KHDRBS2: variants seen among roughly 807,000 people sequenced by gnomAD.
KHDRBS2 encodes the protein KH domain-containing, RNA-binding, signal transduction-associated protein 2.
Under a neutral mutation model 44.3 loss-of-function variants are expected in KHDRBS2, and 26 were observed. That is an observed-to-expected ratio of 0.59 (90% CI 0.43 to 0.81). The LOEUF (loss-of-function observed/expected upper bound fraction) is 0.81, where lower values mean the gene tolerates loss of function less well. Ranked by LOEUF, KHDRBS2 falls within the 40% of genes least tolerant of loss-of-function variation. The pLI is 0.00. For synonymous variants in KHDRBS2, 194 were observed against 151.1 expected (o/e 1.28, Z -2.08); for missense variants, 476 against 433.1 (o/e 1.10, Z -0.88).
intron 6 of KHDRBS2, among the ~76,000 whole-genome samples, chr6:61,884,131 T>A (rs200785152): frequency 2.0e-5 from 3 of 152,104 alleles, no homozygotes; most frequent in Non-Finnish European, 4.4e-5. Context: ...AACTCATTTA[T>A]GGAACTTTTA....
intron 4 of KHDRBS2, among the ~76,000 whole-genome samples, chr6:61,934,459 C>T (rs183393517): frequency 9.2e-5 from 14 of 152,208 alleles, no homozygotes; most frequent in Non-Finnish European, 1.5e-4. Flanking sequence ...CTGATACAAG[C>T]TGTAATAGAG....
At chr6:61,602,097 A>G in the KHDRBS2 span, among the ~76,000 whole-genome samples, 2 of 152,152 alleles carry the variant, frequency 1.3e-5, no homozygotes, top group African/African-American at 2.4e-5. Context: ...TATTCTCAAT[A>G]TGCATTTTAT....
At chr6:61,759,319 T>G (rs1778942944) in intron 6 of KHDRBS2, among the ~76,000 whole-genome samples, 1 of 152,184 alleles carries the variant, frequency 6.6e-6, no homozygotes, top group South Asian at 2.1e-4. Context: ...GGTTTTGCAT[T>G]TTTGTCTATT....
chr6:61,723,351 C>A (rs1773014141), intron 7 of KHDRBS2, among the ~76,000 whole-genome samples: 1 of 152,012 alleles, frequency 6.6e-6, no homozygotes, highest in South Asian at 2.1e-4. Context: ...ACAACACCTC[C>A]CCAAGGAGGT....
At chr6:61,577,746 C>T in the KHDRBS2 span, among the ~76,000 whole-genome samples, 1 of 152,058 alleles carries the variant, frequency 6.6e-6, no homozygotes, top group Non-Finnish European at 1.5e-5. Context: ...AGTATTCTTA[C>T]AGTAAAATAT....
intron 1 of KHDRBS2, among the ~76,000 whole-genome samples, chr6:62,204,039 C>T (rs1827518191): frequency 6.6e-6 from 1 of 152,154 alleles, no homozygotes; most frequent in Non-Finnish European, 1.5e-5. Flanking sequence ...CACATCCCAG[C>T]TCCCCATCCC....
At chr6:61,967,487 C>G (rs1415820666) in intron 4 of KHDRBS2, among the ~76,000 whole-genome samples, 3 of 151,864 alleles carry the variant, frequency 2.0e-5, no homozygotes, top group Admixed American at 6.6e-5. Flanking sequence ...AAATAAGAAG[C>G]AGCAGGGTGG....
intron 4 of KHDRBS2, among the ~76,000 whole-genome samples, chr6:61,947,394 C>T (rs1813589879): frequency 6.6e-6 from 1 of 152,136 alleles, no homozygotes. Flanking sequence ...TTCATAGATC[C>T]AGTTCCTGAC....
In KHDRBS2 at chr6:61,955,464, G is replaced by GTGTAATATGTATATATTA. The variant is rs1766744187; in HGVS notation, c.483+22601_483+22602insTAATATATACATATTACA. Among the ~76,000 whole-genome samples, 2 of 30,008 alleles carry GTGTAATATGTATATATTA rather than the reference G, an allele frequency of 6.7e-5. 1 individual carries two copies. The highest frequency in any genetic ancestry group is 1.2e-4 in the Non-Finnish European group (2 of 16,786). The allele number at this position is 30,008 out of a possible 152,430, so 19.7% of individuals were successfully genotyped here. ...TATACATATGTGTATATATACATAT[G>GTGTAATATGTATATATTA]TGTATATATACACATATGTATGTAT... On this transcript the variant is annotated intron_variant, in intron 4 of 8. Transcript: ENST00000281156.
intron 2 of KHDRBS2, among the ~76,000 whole-genome samples, chr6:62,146,739 T>C (rs1281609692): frequency 1.3e-5 from 2 of 150,804 alleles, no homozygotes; most frequent in Non-Finnish European, 3.0e-5. Context: ...GTCCCTTAAA[T>C]AGCAGGGCAA....
At chr6:62,261,525 A>G (rs1838339794) in intron 1 of KHDRBS2, among the ~76,000 whole-genome samples, 1 of 151,862 alleles carries the variant, frequency 6.6e-6, no homozygotes, top group South Asian at 2.1e-4. Context: ...TTCCAATACT[A>G]TTTATGTAGT....
rs70996208 is a variant in KHDRBS2 at position 62,194,480 on chromosome 6, C to CTTTTTTTTTTTT, written c.92-17180_92-17169dup. ...CACTTTCTTTTCTTTTCTTTTCTTC[C>CTTTTTTTTTTTT]TTTTTTTTTTTTTTTTTTTTTTTTT... On this transcript the variant is annotated intron_variant, in intron 1 of 8. Coordinates refer to ENST00000281156, the MANE Select transcript of KHDRBS2 (RefSeq NM_152688.4). Among the ~76,000 whole-genome samples, 39 of 69,766 alleles carry CTTTTTTTTTTTT rather than the reference C, an allele frequency of 5.6e-4. 4 individuals carry two copies. The highest frequency in any genetic ancestry group is 7.6e-4 in the Admixed American group (4 of 5,230). The allele number at this position is 69,766 out of a possible 152,430, so 45.8% of individuals were successfully genotyped here.
chr6:61,703,520 T>C (rs1221348861), intron 7 of KHDRBS2, among the ~76,000 whole-genome samples: 1 of 151,876 alleles, frequency 6.6e-6, no homozygotes. Flanking sequence ...ATACTGTGCA[T>C]TTATATTGTA....
intron 8 of KHDRBS2, among the ~76,000 whole-genome samples, chr6:61,685,226 C>T (rs758510455): frequency 1.1e-4 from 17 of 151,774 alleles, no homozygotes; most frequent in Admixed American, 2.0e-4. Flanking sequence ...AACACAGGTG[C>T]TGTTTAACTT....
chr6:61,607,567 A>C, the KHDRBS2 span, among the ~76,000 whole-genome samples: 1 of 141,194 alleles, frequency 7.1e-6, no homozygotes, highest in Non-Finnish European at 1.5e-5. Context: ...AATTCTGTAC[A>C]ACTCTTTGCC....
chr6:62,035,751 T>A (rs1317386183), intron 3 of KHDRBS2, among the ~76,000 whole-genome samples: 1 of 152,046 alleles, frequency 6.6e-6, no homozygotes, highest in Non-Finnish European at 1.5e-5. Context: ...AAACATCTTA[T>A]GTACCCCATA....
chr6:62,030,982 C>A (rs971662854), intron 3 of KHDRBS2, among the ~76,000 whole-genome samples: 5 of 152,014 alleles, frequency 3.3e-5, no homozygotes, highest in Admixed American at 6.6e-5. Flanking sequence ...CTGACATACA[C>A]AACAACAGGG....
chr6:61,977,115 T>C (rs1357660696), intron 4 of KHDRBS2, among the ~76,000 whole-genome samples: 1 of 152,158 alleles, frequency 6.6e-6, no homozygotes, highest in Non-Finnish European at 1.5e-5. Flanking sequence ...TCTTTTCCCA[T>C]TCTTAAAATC....
chr6:62,048,924 C>A (rs1318433095), intron 2 of KHDRBS2, among the ~76,000 whole-genome samples: 1 of 151,812 alleles, frequency 6.6e-6, no homozygotes, highest in Non-Finnish European at 1.5e-5. Context: ...CTTTCTATAT[C>A]AGAGATTTTC....
Sources: allele counts gnomAD v4.1 joint callset (sites outside exome capture counted in the v4.1 genomes callset), GRCh38; gene constraint gnomAD v4.1.1; transcripts MANE v1.5; gene names NCBI Gene and HGNC (gene_info 2026-07-23, HGNC 2026-07-21).